FBXL7: variants seen among roughly 807,000 people sequenced by gnomAD.
The protein encoded by FBXL7 is F-box/LRR-repeat protein 7.
FBXL7 carries 12 observed loss-of-function variants against 38.3 expected under a neutral mutation model. That is an observed-to-expected ratio of 0.31 (90% CI 0.20 to 0.51). The LOEUF (loss-of-function observed/expected upper bound fraction) is 0.51. Ranked by LOEUF, FBXL7 falls within the 20% of genes least tolerant of loss-of-function variation. The pLI, the probability that FBXL7 is intolerant of heterozygous loss-of-function variation, is 0.98. For synonymous variants in FBXL7, 297 were observed against 300.9 expected, an observed-to-expected ratio of 0.99 and a Z score of 0.13; for missense variants, 567 against 676.4, an observed-to-expected ratio of 0.84 and a Z score of 1.79.
intron 2 of FBXL7, among the ~76,000 whole-genome samples, chr5:15,786,249 G>A (rs1737129625): frequency 6.6e-6 from 1 of 152,072 alleles, no homozygotes; most frequent in Admixed American, 6.6e-5. Context: ...CGTTGGTGAG[G>A]GGGGTGTTTC....
chr5:15,878,908 A>G (rs539404791), intron 2 of FBXL7, among the ~76,000 whole-genome samples: 1 of 152,316 alleles, frequency 6.6e-6, no homozygotes, highest in Admixed American at 6.5e-5. Flanking sequence ...AGTCTCCACC[A>G]GAAACCAGAA....
chr5:15,808,828 A>G (rs374878126), intron 2 of FBXL7, among the ~76,000 whole-genome samples: 2 of 152,162 alleles, frequency 1.3e-5, no homozygotes, highest in African/African-American at 4.8e-5. Context: ...TCGTGAGTTC[A>G]TGTAGGCCTG....
intron 2 of FBXL7, among the ~76,000 whole-genome samples, chr5:15,882,781 G>A (rs1579565286): frequency 2.0e-5 from 3 of 152,224 alleles, no homozygotes; most frequent in Middle Eastern, 3.4e-3. Context: ...TTAAACTGAG[G>A]TCTAATGATT....
chr5:15,703,472 G>T (rs1743589769), intron 2 of FBXL7, among the ~76,000 whole-genome samples: 2 of 152,158 alleles, frequency 1.3e-5, no homozygotes, highest in Admixed American at 1.3e-4. Flanking sequence ...ATTTAATCTT[G>T]TGTGAAATTC....
intron 1 of FBXL7, among the ~76,000 whole-genome samples, chr5:15,521,483 CTT>C (rs1737094857): frequency 6.6e-6 from 1 of 152,172 alleles, no homozygotes. Flanking sequence ...ATTTAACTTA[CTT>C]ATGTCAGAGT....
intron 2 of FBXL7, among the ~76,000 whole-genome samples, chr5:15,758,745 CTTG>C (rs1042992231): frequency 2.6e-5 from 4 of 152,066 alleles, no homozygotes; most frequent in African/African-American, 4.8e-5. Context: ...TTGTCTCTGT[CTTG>C]TTGTGTGTGA....
chr5:15,500,768 C>G, intron 1 of FBXL7, 55 bp downstream of exon 1: 1 of 1,585,522 alleles, frequency 6.3e-7, no homozygotes, highest in African/African-American at 1.4e-5. Flanking sequence ...TCCCCTTTCC[C>G]TCGCCCTCCC....
chr5:15,640,077 A>G, intron 2 of FBXL7, among the ~76,000 whole-genome samples: 1 of 152,156 alleles, frequency 6.6e-6, no homozygotes. Context: ...TGGAGTGGTA[A>G]AGATTGTTGT....
chr5:15,798,769 A>G (rs899209895), intron 2 of FBXL7, among the ~76,000 whole-genome samples: 1 of 152,238 alleles, frequency 6.6e-6, no homozygotes, highest in Non-Finnish European at 1.5e-5. Flanking sequence ...TCTCTCCCAT[A>G]GTAGAACCTT....
At chr5:15,826,190 G>A (rs1402018753) in intron 2 of FBXL7, among the ~76,000 whole-genome samples, 2 of 152,204 alleles carry the variant, frequency 1.3e-5, no homozygotes, top group Admixed American at 6.5e-5. Context: ...AGTTCTTTTC[G>A]AAGTCTTTAT....
intron 2 of FBXL7, among the ~76,000 whole-genome samples, chr5:15,660,388 C>G (rs1392669548): frequency 6.6e-6 from 1 of 152,234 alleles, no homozygotes. Context: ...TGGAGCTTCG[C>G]TCTTGTTGCC....
rs563654696 is a variant in FBXL7, at chr5:15,680,115, T to G, written c.127+64043T>G. ...TTCCAGTCCTTTACATACTCACTTC[T>G]GCAAATCATTAAAACCACTGAAGGC... On this transcript the variant is annotated intron_variant, in intron 2 of 3. Transcript: ENST00000504595. 2.6e-5 allele frequency among the ~76,000 whole-genome samples: 4 copies of G among 152,318 alleles called. No homozygotes were observed. The South Asian group carries it at 8.3e-4, about 32-fold the overall frequency.
chr5:15,520,375 C>A (rs1163432667), intron 1 of FBXL7, among the ~76,000 whole-genome samples: 1 of 152,138 alleles, frequency 6.6e-6, no homozygotes, highest in African/African-American at 2.4e-5. Context: ...AGTTTCATAC[C>A]ATAATGAACT....
At chr5:15,832,881 C>T (rs1316502029) in intron 2 of FBXL7, among the ~76,000 whole-genome samples, 2 of 152,072 alleles carry the variant, frequency 1.3e-5, no homozygotes, top group African/African-American at 2.4e-5. Flanking sequence ...ACAATTCCCA[C>T]ATGTTGTGGA....
intron 2 of FBXL7, among the ~76,000 whole-genome samples, chr5:15,712,548 G>T (rs1743908896): frequency 6.6e-6 from 1 of 152,042 alleles, no homozygotes; most frequent in Non-Finnish European, 1.5e-5. Context: ...TTACTGGAAG[G>T]CAGGAAAGGC....
intron 1 of FBXL7, among the ~76,000 whole-genome samples, chr5:15,583,271 A>C (rs1580384935): frequency 1.3e-5 from 2 of 152,144 alleles, no homozygotes; most frequent in African/African-American, 4.8e-5. Context: ...GGGGATTACA[A>C]TTTGAGATGA....
intron 1 of FBXL7, among the ~76,000 whole-genome samples, chr5:15,556,319 A>G (rs1438375192): frequency 6.6e-6 from 1 of 152,004 alleles, no homozygotes; most frequent in East Asian, 1.9e-4. Context: ...GTCTGAGCCC[A>G]AGCAGCCAGG....
At chr5:15,863,477 T>A (rs1401878517) in intron 2 of FBXL7, among the ~76,000 whole-genome samples, 3 of 152,198 alleles carry the variant, frequency 2.0e-5, no homozygotes, top group African/African-American at 7.2e-5. Flanking sequence ...GGTCATAAAA[T>A]ATCTACATGG....
chr5:15,801,611 A>C (rs115843924), intron 2 of FBXL7, among the ~76,000 whole-genome samples: 87 of 151,560 alleles, frequency 5.7e-4, no homozygotes, highest in African/African-American at 2.1e-3. Flanking sequence ...ATGGCCTTAT[A>C]GATATTCATT....
Sources: gnomAD v4.1 joint callset for allele counts (sites outside exome capture counted in the v4.1 genomes callset) on GRCh38, gnomAD v4.1.1 for gene constraint, MANE v1.5 for transcripts, NCBI Gene and HGNC (gene_info 2026-07-23, HGNC 2026-07-21) for gene names.